The following SERPINF1 variants were observed in gnomAD, a reference collection of about 807,000 sequenced individuals.
The protein encoded by SERPINF1 is serpin family F member 1.
In SERPINF1, 29 loss-of-function variants were observed where a neutral mutation model predicts 37.3. The ratio of observed to expected loss-of-function variants is 0.78; its 90% CI spans 0.58 to 1.06. The LOEUF (loss-of-function observed/expected upper bound fraction) is 1.06. Ranked by LOEUF, SERPINF1 falls within the 50% of genes least tolerant of loss-of-function variation. The probability of loss-of-function intolerance (pLI) is 0.00; values close to 1 mark genes in which losing one functional copy is unlikely to be tolerated. For synonymous variants in SERPINF1, 281 were observed against 227.9 expected (o/e 1.23, Z -2.10); for missense variants, 553 against 532.2 (o/e 1.04, Z -0.38).
chr17:1,776,738 G>A lies in SERPINF1; in HGVS notation c.993G>A (p.Glu331=), dbSNP rs1245647756. The A allele has an allele frequency of 1.2e-6, 2 of 1,613,292 alleles. No homozygotes were observed. The highest frequency in any genetic ancestry group is 1.3e-5 in the African/African-American group (1 of 74,912). Reference sequence around the variant, plus strand: ...GCGAAGTCACCAAGTCCCTGCAGGAGATGAGTATGTCTGAAGACCCTTTCG... The same window carrying A: ...GCGAAGTCACCAAGTCCCTGCAGGAAATGAGTATGTCTGAAGACCCTTTCG... The part of the protein sequence containing the change: ...YEGEVTKSLQ[E]MKLQSLFDSP... Residue 331 remains glutamate (E), a synonymous_variant, in exon 7 of 8, where the codon GAG becomes GAA. Coordinates refer to ENST00000254722, the MANE Select transcript of SERPINF1 (RefSeq NM_002615.7).
chr17:1,772,893 C>G (rs898397327), intron 5 of SERPINF1, among the ~76,000 whole-genome samples: 2 of 152,114 alleles, frequency 1.3e-5, no homozygotes, highest in Non-Finnish European at 2.9e-5. Context: ...ACTATGATGC[C>G]GAGGCTGGTC....
chr17:1,769,781 G>A (rs1006192472), intron 2 of SERPINF1, 71 bp from the exon 3 acceptor site: 26 of 1,540,138 alleles, frequency 1.7e-5, no homozygotes, highest in Middle Eastern at 1.7e-4. Flanking sequence ...ACACAAAGCC[G>A]TGAGGAGACA....
chr17:1,774,698 G>A (rs1319264171), intron 5 of SERPINF1, among the ~76,000 whole-genome samples: 3 of 152,150 alleles, frequency 2.0e-5, no homozygotes, highest in Non-Finnish European at 4.4e-5. Context: ...CTGACCTCAA[G>A]TGATCCACCC....
intron 7 of SERPINF1, 88 bp downstream of exon 7, chr17:1,776,830 G>A: frequency 8.2e-7 from 1 of 1,223,632 alleles, no homozygotes. Flanking sequence ...AGAACGCAAG[G>A]GCTCCACAGG....
chr17:1,765,091 G>A (rs1481594323), intron 1 of SERPINF1, among the ~76,000 whole-genome samples: 1 of 150,544 alleles, frequency 6.6e-6, no homozygotes, highest in Non-Finnish European at 1.5e-5. Flanking sequence ...TGATCTACCC[G>A]CCTCGGCCTC....
chr17:1,763,633 C>A (rs1907214333), intron 1 of SERPINF1, among the ~76,000 whole-genome samples: 1 of 152,248 alleles, frequency 6.6e-6, no homozygotes, highest in Non-Finnish European at 1.5e-5. Flanking sequence ...TTTCAATCAT[C>A]TCTCCTCTTC....
intron 1 of SERPINF1, among the ~76,000 whole-genome samples, chr17:1,763,055 T>C (rs1279275895): frequency 1.3e-5 from 2 of 152,214 alleles, no homozygotes; most frequent in East Asian, 3.9e-4. Context: ...CACGGCACCC[T>C]GGGCTGACTC....
At chr17:1,771,799 C>G (rs1907753338) in intron 4 of SERPINF1, 73 bp from the exon 5 acceptor site, 1 of 1,476,282 alleles carries the variant, frequency 6.8e-7, no homozygotes. Context: ...AGAACCCGAG[C>G]CTGGCAGGCT....
In SERPINF1 at chr17:1,775,032, A is replaced by C. The variant is rs369458985; in HGVS notation, c.644-26A>C. 3.7e-6 allele frequency: 6 copies of C among 1,614,006 alleles called. No individual in the cohort carries two copies. In the African/African-American group the frequency reaches 6.7e-5, roughly 18 times the overall value. On this transcript the variant is annotated intron_variant, in intron 5 of 7. Coordinates refer to ENST00000254722, the MANE Select transcript of SERPINF1 (RefSeq NM_002615.7). ...CTGTCTTTCTGGTCTCCTGGGGCTC[A>C]GACTATGTCATACACTTCTTTCCAG...
intron 1 of SERPINF1, among the ~76,000 whole-genome samples, chr17:1,763,666 G>A (rs1233377667): frequency 2.0e-5 from 3 of 152,210 alleles, no homozygotes; most frequent in Non-Finnish European, 2.9e-5. Context: ...GGCTTGAAGT[G>A]GAGGATTCAG....
chr17:1,772,078 G>A lies in SERPINF1; in HGVS notation c.643+3G>A, dbSNP rs770669383. The stretch of plus-strand genomic sequence containing the variant: ...TCTCGGTGTGGCGCACTTCAAGGGT[G>A]AGCGCGTCTCCAATTCTTTTTCATT... On this transcript the variant is annotated splice_donor_region_variant and intron_variant, in intron 5 of 7. Transcript: ENST00000254722. The A allele has an allele frequency of 3.1e-6, 5 of 1,609,426 alleles. No homozygotes were observed. The highest frequency in any genetic ancestry group is 1.7e-5 in the Admixed American group (1 of 59,692).
rs375473311 is a variant in SERPINF1 at position 1,775,224 on chromosome 17, G to T, written c.786+24G>T. The T allele has an allele frequency of 2.7e-5, 43 of 1,604,444 alleles. No homozygotes were observed. The African/African-American group carries it at 3.1e-4, about 11-fold the overall frequency. ...AGGTCTGTAGGGATAGGGGCAGGGT[G>T]GGGGGTGGATGGAGGGAGAGGATAG... On this transcript the variant is annotated intron_variant, in intron 6 of 7. Coordinates refer to ENST00000254722, the MANE Select transcript of SERPINF1 (RefSeq NM_002615.7).
At chr17:1,774,158 C>T (rs1007676405) in intron 5 of SERPINF1, among the ~76,000 whole-genome samples, 18 of 152,160 alleles carry the variant, frequency 1.2e-4, no homozygotes, top group Admixed American at 3.9e-4. Flanking sequence ...TGACTGTCTC[C>T]CAGAGACACT....
chr17:1,765,617 C>T (rs372897321), intron 1 of SERPINF1, among the ~76,000 whole-genome samples: 5 of 152,112 alleles, frequency 3.3e-5, no homozygotes, highest in South Asian at 4.2e-4. Flanking sequence ...CCACTGTGCT[C>T]GGTAGTTGTT....
At chr17:1,773,772 G>C (rs1907878268) in intron 5 of SERPINF1, among the ~76,000 whole-genome samples, 1 of 152,172 alleles carries the variant, frequency 6.6e-6, no homozygotes, top group Admixed American at 6.5e-5. Flanking sequence ...TGATGTGTTT[G>C]GAGCTTGTTC....
intron 7 of SERPINF1, 41 bp from the exon 8 acceptor site, chr17:1,777,146 G>A (rs1166509013): frequency 6.2e-7 from 1 of 1,613,770 alleles, no homozygotes; most frequent in Non-Finnish European, 8.5e-7. Context: ...GGGTGTTGGG[G>A]AAGGCAGGGT....
intron 2 of SERPINF1, among the ~76,000 whole-genome samples, chr17:1,767,840 C>T (rs1907477575): frequency 6.6e-6 from 1 of 152,204 alleles, no homozygotes; most frequent in Non-Finnish European, 1.5e-5. Context: ...TCTACAGGGC[C>T]ATGTGGCCAC....
intron 3 of SERPINF1, 111 bp downstream of exon 3, chr17:1,770,161 G>C (rs1727072299): frequency 1.7e-6 from 2 of 1,209,306 alleles, no homozygotes; most frequent in Admixed American, 4.0e-5. Flanking sequence ...GGGTGAAGTA[G>C]CACCAGGGGC....
At chr17:1,764,118 G>A (rs571225837) in intron 1 of SERPINF1, among the ~76,000 whole-genome samples, 1 of 152,354 alleles carries the variant, frequency 6.6e-6, no homozygotes, top group East Asian at 1.9e-4. Flanking sequence ...GGAGGTGGAA[G>A]TTGCACTGAG....
Sources: allele counts gnomAD v4.1 joint callset (sites outside exome capture counted in the v4.1 genomes callset), GRCh38; gene constraint gnomAD v4.1.1; transcripts MANE v1.5; gene names NCBI Gene and HGNC (gene_info 2026-07-23, HGNC 2026-07-21).